The following TLR5 variants were observed in gnomAD, a reference collection of about 807,000 sequenced individuals.
TLR5 encodes the protein toll like receptor 5, also known as toll-like receptor 5.
For missense variants in TLR5, 944 were observed against 999.8 expected, an observed-to-expected ratio of 0.94 and a Z score of 0.75; for synonymous variants, 373 against 384.4, an observed-to-expected ratio of 0.97 and a Z score of 0.35.
At position 223,143,193 on chromosome 1, in the gene TLR5, C is replaced by T. The variant is rs1358441644; in HGVS notation, c.-555+3G>A. On this transcript the variant is annotated splice_donor_region_variant and intron_variant, in intron 1 of 5. Transcript: ENST00000642603. ...CCATCCCCTGCCGCTGCAGGGCGCT[C>T]ACCTCTGGGACGCCTCCCCGCGCCG... 1.3e-5 allele frequency: 2 copies of T among 152,242 alleles called. No individual in the cohort carries two copies. Among genetic ancestry groups the T allele is most frequent in the African/African-American group, 4.8e-5 (2 of 41,464 alleles). The allele number at this position is 152,242 out of a possible 1,614,324, so 9.4% of individuals were successfully genotyped here.
At chr1:223,122,646 C>T (rs1278866712) in intron 5 of TLR5, among the ~76,000 whole-genome samples, 3 of 152,242 alleles carry the variant, frequency 2.0e-5, no homozygotes, top group South Asian at 2.1e-4. Flanking sequence ...CTTCATTGCT[C>T]ACACCTAGGA....
intron 5 of TLR5, among the ~76,000 whole-genome samples, chr1:223,121,152 A>G (rs560020888): frequency 1.5e-3 from 235 of 152,356 alleles, no homozygotes; most frequent in South Asian, 2.5e-3. Flanking sequence ...CATCTTCTTT[A>G]TAAGTAGGTG....
At position 223,111,190 on chromosome 1, in the gene TLR5, G is replaced by C; in HGVS notation, c.1842C>G (p.Asp614Glu). Residue 614 changes from aspartate to glutamate, a missense_variant, in exon 6 of 6, where the codon GAC becomes GAG. Transcript: ENST00000642603. Reference sequence around the variant, plus strand: ...AGAAGAGGGAAACCCCAGAGAACGAGTCAGGGTACACACAATATATGTCTG... The same window carrying C: ...AGAAGAGGGAAACCCCAGAGAACGACTCAGGGTACACACAATATATGTCTG... ...PPADIYCVYP[D>E]SFSGVSLFSL... The C allele has an allele frequency of 6.2e-7, 1 of 1,614,186 alleles. No individual in the cohort carries two copies. Among genetic ancestry groups the C allele is most frequent in the Non-Finnish European group, 8.5e-7 (1 of 1,180,036 alleles).
chr1:223,111,124 C>CT lies in TLR5; in HGVS notation c.1907dup (p.Ser637ValfsTer36), dbSNP rs766655315. 2 of 1,614,194 alleles carry CT rather than the reference C, an allele frequency of 1.2e-6. No individual in the cohort carries two copies. Among genetic ancestry groups the CT allele is most frequent in the Non-Finnish European group, 1.7e-6 (2 of 1,180,034 alleles). On this transcript the variant is annotated frameshift_variant, in exon 6 of 6. Transcript: ENST00000642603. LOFTEE classifies it low-confidence loss of function (END_TRUNC). ...CAATGAAAAGGGAGAACTTTAGGGA[C>CT]TTTAAGACTTCCTCTTCATCACAAC... is the stretch of plus-strand genomic sequence containing the variant.
At position 223,109,478 on chromosome 1, in the gene TLR5, C is replaced by T. The variant is rs2102851876; in HGVS notation, c.*977G>A. The stretch of plus-strand genomic sequence containing the variant: ...GAAATTGCAACTGCCCCCCAGGAGG[C>T]CTTCAGTGTATGTGTTCTCTTGTGG... On this transcript the variant is annotated 3_prime_UTR_variant, in exon 6 of 6. Transcript: ENST00000642603. 1 of 149,760 alleles carries T rather than the reference C, an allele frequency of 6.7e-6. No individual in the cohort carries two copies. Among genetic ancestry groups the T allele is most frequent in the East Asian group, 2.0e-4 (1 of 5,122 alleles). 9.3% of individuals were successfully genotyped at this position (149,760 alleles called of 1,614,324 possible). A position where few individuals can be genotyped will look rare whatever the true frequency, so the allele number is the denominator to read the frequency against.
intron 5 of TLR5, among the ~76,000 whole-genome samples, chr1:223,113,934 A>G (rs1656499201): frequency 6.6e-6 from 1 of 152,184 alleles, no homozygotes. Context: ...TGGAAAATAA[A>G]TTCACTGTTT....
chr1:223,114,442 G>C (rs748759547), intron 5 of TLR5, among the ~76,000 whole-genome samples: 1 of 152,204 alleles, frequency 6.6e-6, no homozygotes, highest in East Asian at 1.9e-4. Flanking sequence ...TCAGAGGGCA[G>C]GAGAATGAGA....
Position 223,109,985 on chromosome 1 carries a change from G to A in TLR5, c.*470C>T, listed in dbSNP as rs1393938490. 2 of 200,000 alleles carry A rather than the reference G, an allele frequency of 1.0e-5. No individual in the cohort carries two copies. The highest frequency in any genetic ancestry group is 2.0e-5 in the Non-Finnish European group (2 of 97,784). 12.4% of individuals were successfully genotyped at this position (200,000 alleles called of 1,614,324 possible). A position where few individuals can be genotyped will look rare whatever the true frequency, so the allele number is the denominator to read the frequency against. ...GTGACTTGCACTCAACAGTGGCATT[G>A]TTTCTGTGGCAAAAGAAGGAAATGT... On this transcript the variant is annotated 3_prime_UTR_variant, in exon 6 of 6. Coordinates refer to ENST00000642603, the MANE Select transcript of TLR5 (RefSeq NM_003268.6).
At position 223,110,893 on chromosome 1, in the gene TLR5, T is replaced by C; in HGVS notation, c.2139A>G (p.Lys713=). ...DFTWVQNALL[K]HLDTQYSDQN... Reference sequence around the variant, plus strand: ...GGTCACTGTATTGAGTGTCCAGGTGTTTGAGCAAAGCATTCTGCACCCATG... The same window carrying C: ...GGTCACTGTATTGAGTGTCCAGGTGCTTGAGCAAAGCATTCTGCACCCATG... Residue 713 remains lysine, a synonymous_variant, in exon 6 of 6, where the codon AAA becomes AAG. Transcript: ENST00000642603. The C allele has an allele frequency of 6.2e-7, 1 of 1,614,232 alleles. No homozygotes were observed.
intron 2 of TLR5, among the ~76,000 whole-genome samples, chr1:223,140,858 C>T (rs570279925): frequency 1.3e-5 from 2 of 152,212 alleles, no homozygotes; most frequent in Non-Finnish European, 2.9e-5. Context: ...CACATACTTT[C>T]GCACTTAATT....
intron 5 of TLR5, among the ~76,000 whole-genome samples, 160 bp from the exon 6 acceptor site, chr1:223,113,195 A>G (rs977809157): frequency 3.3e-5 from 5 of 152,004 alleles, no homozygotes; most frequent in African/African-American, 4.8e-5. Flanking sequence ...TACAGACAAA[A>G]CTATTCTTAC....
chr1:223,142,212 C>T (rs2102953419), intron 1 of TLR5, among the ~76,000 whole-genome samples: 1 of 152,286 alleles, frequency 6.6e-6, no homozygotes, highest in African/African-American at 2.4e-5. Context: ...CTACCCCTAG[C>T]ATTAGCGGGG....
intron 3 of TLR5, 102 bp from the exon 4 acceptor site, chr1:223,134,966 G>A (rs1227271797): frequency 6.6e-6 from 1 of 152,408 alleles, no homozygotes; most frequent in Non-Finnish European, 1.5e-5. Context: ...CCGGCAACTA[G>A]GAACCCTATT....
At chr1:223,117,882 C>T (rs1656758082) in intron 5 of TLR5, among the ~76,000 whole-genome samples, 1 of 152,176 alleles carries the variant, frequency 6.6e-6, no homozygotes, top group South Asian at 2.1e-4. Flanking sequence ...TTATTCTGAG[C>T]TAAATATGAG....
chr1:223,118,128 A>G (rs1466425540), intron 5 of TLR5, among the ~76,000 whole-genome samples: 3 of 152,252 alleles, frequency 2.0e-5, no homozygotes, highest in Admixed American at 1.3e-4. Flanking sequence ...GACATGAGAC[A>G]TCAGTCAGAT....
intron 4 of TLR5, among the ~76,000 whole-genome samples, chr1:223,134,222 C>T (rs909313927): frequency 6.6e-6 from 1 of 152,152 alleles, no homozygotes; most frequent in African/African-American, 2.4e-5. Context: ...GTTACCCATG[C>T]TTAATACTCC....
At chr1:223,133,860 C>T (rs1657494404) in intron 4 of TLR5, among the ~76,000 whole-genome samples, 1 of 152,164 alleles carries the variant, frequency 6.6e-6, no homozygotes. Context: ...GCAAAAGGGG[C>T]AGGGACCGAG....
intron 5 of TLR5, chr1:223,128,155 C>T (rs1183023773): frequency 6.6e-6 from 1 of 152,274 alleles, no homozygotes; most frequent in Non-Finnish European, 1.5e-5. Context: ...GGAGCTCCCT[C>T]CCTTCCCTCA....
intron 2 of TLR5, among the ~76,000 whole-genome samples, chr1:223,139,049 A>C (rs1458598720): frequency 6.6e-6 from 1 of 152,240 alleles, no homozygotes; most frequent in Non-Finnish European, 1.5e-5. Flanking sequence ...TGCCTTCCAC[A>C]ATGATTGTGA....
Sources: gnomAD v4.1 joint callset for allele counts (sites outside exome capture counted in the v4.1 genomes callset) on GRCh38, gnomAD v4.1.1 for gene constraint, MANE v1.5 for transcripts, NCBI Gene and HGNC (gene_info 2026-07-23, HGNC 2026-07-21) for gene names.